The following VAT1L variants were observed in gnomAD, a reference collection of about 807,000 sequenced individuals.
VAT1L encodes the protein putative NADPH-dependent quinone oxidoreductase VAT1L.
A neutral mutation model predicts 44.1 loss-of-function variants in VAT1L; 34 were observed. The observed-to-expected ratio is 0.77, with a 90% confidence interval of 0.59 to 1.03. The LOEUF (loss-of-function observed/expected upper bound fraction) is 1.03. VAT1L is among the 50% of genes least tolerant of loss of function. The pLI, the probability that VAT1L is intolerant of heterozygous loss-of-function variation, is 0.00. For synonymous variants in VAT1L, 253 were observed against 202.2 expected, an observed-to-expected ratio of 1.25 and a Z score of -2.13; for missense variants, 615 against 538.8, an observed-to-expected ratio of 1.14 and a Z score of -1.40.
At chr16:77,815,681 C>T (rs1446698858) in intron 1 of VAT1L, among the ~76,000 whole-genome samples, 1 of 151,968 alleles carries the variant, frequency 6.6e-6, no homozygotes, top group Non-Finnish European at 1.5e-5. Context: ...AGAACTAGTT[C>T]AAGTTGGCTG....
chr16:77,851,053 A>C (rs2016803928), intron 3 of VAT1L, among the ~76,000 whole-genome samples: 2 of 152,214 alleles, frequency 1.3e-5, no homozygotes, highest in Non-Finnish European at 2.9e-5. Flanking sequence ...CAGAGTTGCC[A>C]TGTGCGGTTG....
intron 7 of VAT1L, among the ~76,000 whole-genome samples, chr16:77,895,020 T>A (rs1418791435): frequency 6.6e-6 from 1 of 152,046 alleles, no homozygotes; most frequent in Non-Finnish European, 1.5e-5. Context: ...TACACTTCAT[T>A]TTTTCCTTCC....
chr16:77,833,769 A>G (rs1034861729), intron 3 of VAT1L, among the ~76,000 whole-genome samples: 2 of 151,964 alleles, frequency 1.3e-5, no homozygotes, highest in Non-Finnish European at 2.9e-5. Context: ...AGAAAAAGAA[A>G]AAAAAGAAAA....
At chr16:77,805,465 CT>C (rs2016138429) in intron 1 of VAT1L, among the ~76,000 whole-genome samples, 1 of 152,218 alleles carries the variant, frequency 6.6e-6, no homozygotes, top group Non-Finnish European at 1.5e-5. Flanking sequence ...ACATCTGCTT[CT>C]TTGACCCCGC....
chr16:77,973,929 T>C (rs2018307754), intron 8 of VAT1L, among the ~76,000 whole-genome samples: 1 of 151,710 alleles, frequency 6.6e-6, no homozygotes, highest in Admixed American at 6.6e-5. Context: ...GGTTTCACCA[T>C]GTTAGCCAGG....
intron 1 of VAT1L, among the ~76,000 whole-genome samples, chr16:77,806,299 T>C (rs1223021373): frequency 6.6e-6 from 1 of 152,082 alleles, no homozygotes; most frequent in Admixed American, 6.5e-5. Flanking sequence ...AAGCTCCGCC[T>C]CCCGGGTTGA....
Position 77,884,001 on chromosome 16 carries a change from A to AT in VAT1L, c.883-605dup, listed in dbSNP as rs1250518691. Among the ~76,000 whole-genome samples the AT allele has an allele frequency of 2.0e-5, 3 of 152,168 alleles. No homozygotes were observed. Among genetic ancestry groups the AT allele is most frequent in the Non-Finnish European group, 4.4e-5 (3 of 68,024 alleles). On this transcript the variant is annotated intron_variant, in intron 6 of 8. Transcript: ENST00000302536. This position sits in a 1 kb window ranked among gnomAD's most constrained non-coding sequence, Gnocchi z 4.5. ...TCACAGAGAACGTTGTAGAGCCACG[A>AT]TTCAAGTCCGGAGCTGATGATCCTG...
At chr16:77,956,386 A>C (rs2018103556) in intron 7 of VAT1L, among the ~76,000 whole-genome samples, 1 of 152,038 alleles carries the variant, frequency 6.6e-6, no homozygotes, top group Admixed American at 6.6e-5. Flanking sequence ...AGCCTGACAA[A>C]CTCCCACTTA....
chr16:77,894,706 G>A (rs1045387699), intron 7 of VAT1L, among the ~76,000 whole-genome samples: 6 of 152,088 alleles, frequency 3.9e-5, no homozygotes, highest in Admixed American at 6.6e-5. Context: ...GAATTGTATA[G>A]CATATGAATT....
At chr16:77,909,437 G>C (rs962671219) in intron 7 of VAT1L, among the ~76,000 whole-genome samples, 4 of 152,016 alleles carry the variant, frequency 2.6e-5, no homozygotes, top group African/African-American at 7.3e-5. Flanking sequence ...AGGAGTTCGA[G>C]ACCAGCCTGG....
At chr16:77,963,310 G>A (rs761068769) in intron 7 of VAT1L, among the ~76,000 whole-genome samples, 16 of 152,306 alleles carry the variant, frequency 1.1e-4, no homozygotes, top group Middle Eastern at 6.8e-3. Flanking sequence ...CAGGAGGAGG[G>A]TGAGAGTCAG....
chr16:77,824,531 G>A (rs1449274641), intron 2 of VAT1L, among the ~76,000 whole-genome samples: 4 of 152,092 alleles, frequency 2.6e-5, no homozygotes, highest in East Asian at 3.9e-4. Flanking sequence ...CGAGACAGGC[G>A]GATCATGGGG....
chr16:77,919,151 CATGT>C (rs1325443358), intron 7 of VAT1L, among the ~76,000 whole-genome samples: 6 of 151,938 alleles, frequency 3.9e-5, no homozygotes, highest in African/African-American at 1.2e-4. Context: ...TGTGTGCATG[CATGT>C]GTGTGCACGC....
intron 8 of VAT1L, among the ~76,000 whole-genome samples, chr16:77,974,406 C>T (rs928012583): frequency 6.6e-6 from 1 of 152,194 alleles, no homozygotes; most frequent in Non-Finnish European, 1.5e-5. Context: ...GTGTCCATCA[C>T]ACATGAGTTG....
intron 1 of VAT1L, among the ~76,000 whole-genome samples, chr16:77,812,046 C>G (rs2016273963): frequency 6.6e-6 from 1 of 150,848 alleles, no homozygotes; most frequent in South Asian, 2.1e-4. Context: ...GCATCTGTTT[C>G]TTTTCACTGT....
At chr16:77,863,127 C>G (rs1191781538) in intron 4 of VAT1L, among the ~76,000 whole-genome samples, 1 of 152,164 alleles carries the variant, frequency 6.6e-6, no homozygotes, top group Non-Finnish European at 1.5e-5. Flanking sequence ...ATTAAAGTTA[C>G]GCTAGCTCCT....
chr16:77,809,397 C>G (rs755969983), intron 1 of VAT1L, among the ~76,000 whole-genome samples: 5 of 152,138 alleles, frequency 3.3e-5, no homozygotes, highest in Non-Finnish European at 7.4e-5. Context: ...CTTGGGGATG[C>G]CTCCAACAGT....
Position 77,835,839 on chromosome 16 carries a change from C to A in VAT1L, c.579+10378C>A, listed in dbSNP as rs544021643. On this transcript the variant is annotated intron_variant, in intron 3 of 8. Coordinates refer to ENST00000302536, the MANE Select transcript of VAT1L (RefSeq NM_020927.3). ...AGTGAGCCAAGATCATGCCTTTGCACTCCAGCCTGGGCAACAAGAGCAAAA... is the reference window on the plus strand; with the variant it reads ...AGTGAGCCAAGATCATGCCTTTGCAATCCAGCCTGGGCAACAAGAGCAAAA... 2.6e-5 allele frequency among the ~76,000 whole-genome samples: 4 copies of A among 151,872 alleles called. No individual in the cohort carries two copies. The South Asian group carries it at 8.3e-4, about 32-fold the overall frequency.
Position 77,824,088 on chromosome 16 carries a change from G to T in VAT1L, c.364-1158G>T, listed in dbSNP as rs541866638. Reference sequence around the variant, plus strand: ...GAGGAATCCATTCTCCAGCCAGGCTGTAAGTTCCTCATGTTTGGCTATGGG... The same window carrying T: ...GAGGAATCCATTCTCCAGCCAGGCTTTAAGTTCCTCATGTTTGGCTATGGG... On this transcript the variant is annotated intron_variant, in intron 2 of 8. Transcript: ENST00000302536. Among the ~76,000 whole-genome samples, 11 of 152,312 alleles carry T rather than the reference G, an allele frequency of 7.2e-5. No homozygotes were observed. In the South Asian group the frequency reaches 2.3e-3, roughly 32 times the overall value.
Sources: gnomAD v4.1 joint callset for allele counts (sites outside exome capture counted in the v4.1 genomes callset) on GRCh38, gnomAD v4.1.1 for gene constraint, Gnocchi (gnomAD v3.1) non-coding constraint, MANE v1.5 for transcripts, NCBI Gene and HGNC (gene_info 2026-07-23, HGNC 2026-07-21) for gene names.